Variants in BTBD9 observed in about 807,000 individuals in gnomAD.
BTBD9 encodes the protein BTB domain containing 9, also known as BTB/POZ domain-containing protein 9.
A neutral mutation model predicts 64.3 loss-of-function variants in BTBD9; 49 were observed. The observed-to-expected ratio is 0.76, with a 90% CI of 0.61 to 0.97. The LOEUF is 0.97. Among genes scored for constraint, BTBD9 ranks in the 50% least tolerant of loss-of-function variants. The pLI is 0.00. For missense variants in BTBD9, 598 were observed against 762.1 expected, an observed-to-expected ratio of 0.78 and a Z score of 2.53; for synonymous variants, 260 against 274.7, an observed-to-expected ratio of 0.95 and a Z score of 0.53.
intron 10 of BTBD9, among the ~76,000 whole-genome samples, chr6:38,190,641 T>C (rs1277508954): frequency 6.6e-6 from 1 of 152,170 alleles, no homozygotes; most frequent in African/African-American, 2.4e-5. Context: ...TTAAAATGGC[T>C]GGTCCAATCT....
At chr6:38,505,810 C>T (rs1772459828) in intron 6 of BTBD9, among the ~76,000 whole-genome samples, 1 of 149,146 alleles carries the variant, frequency 6.7e-6, no homozygotes, top group South Asian at 2.1e-4. Context: ...ACCAAAAATA[C>T]AAAAATTAGC....
intron 6 of BTBD9, among the ~76,000 whole-genome samples, chr6:38,452,652 A>G (rs566374972): frequency 6.6e-6 from 1 of 152,218 alleles, no homozygotes; most frequent in African/African-American, 2.4e-5. Flanking sequence ...TATGAAGAGT[A>G]GAAAGGAATC....
At chr6:38,328,506 TCTTGGA>T (rs1269758955) in intron 7 of BTBD9, among the ~76,000 whole-genome samples, 2 of 151,858 alleles carry the variant, frequency 1.3e-5, no homozygotes, top group African/African-American at 4.8e-5. Context: ...TTGATCTTGA[TCTTGGA>T]CTTTCAGCCT....
chr6:38,256,519 G>T lies in BTBD9; in HGVS notation c.1455-3C>A. On this transcript the variant is annotated splice_region_variant and splice_polypyrimidine_tract_variant and intron_variant, in intron 8 of 10. Transcript: ENST00000481247. ...CATCACAATCCCAAAGTAGTAACCT[G>T]AACAAAGGGAAAAACATAAGATTGC... 6.3e-7 allele frequency: 1 copy of T among 1,595,782 alleles called. No homozygotes were observed. Among genetic ancestry groups the T allele is most frequent in the South Asian group, 1.1e-5 (1 of 90,204 alleles).
At chr6:38,482,703 C>G (rs969472303) in intron 6 of BTBD9, among the ~76,000 whole-genome samples, 3 of 152,002 alleles carry the variant, frequency 2.0e-5, no homozygotes, top group Non-Finnish European at 4.4e-5. Context: ...GTGGGGGAGA[C>G]AGACATGTAA....
chr6:38,232,992 A>C (rs1164569635), intron 9 of BTBD9, among the ~76,000 whole-genome samples: 1 of 152,184 alleles, frequency 6.6e-6, no homozygotes, highest in Non-Finnish European at 1.5e-5. Flanking sequence ...TTTTAATTCA[A>C]ATTTTAGGCA....
At chr6:38,402,731 T>C in intron 6 of BTBD9, 2 of 689,954 alleles carry the variant, frequency 2.9e-6, no homozygotes, top group Non-Finnish European at 5.3e-6. Context: ...AATAGAGGTG[T>C]ATGTTATCAT....
intron 6 of BTBD9, among the ~76,000 whole-genome samples, chr6:38,475,584 G>T (rs187356892): frequency 6.6e-6 from 1 of 152,100 alleles, no homozygotes; most frequent in Non-Finnish European, 1.5e-5. Context: ...CTGTTTTCTG[G>T]TTTTTTGTCC....
chr6:38,406,759 C>T (rs1767182337), intron 6 of BTBD9, among the ~76,000 whole-genome samples: 1 of 152,200 alleles, frequency 6.6e-6, no homozygotes, highest in Non-Finnish European at 1.5e-5. Context: ...GGGGATCACA[C>T]TTTGCTGCCC....
At chr6:38,419,795 G>C (rs1031802941) in intron 6 of BTBD9, among the ~76,000 whole-genome samples, 3 of 152,068 alleles carry the variant, frequency 2.0e-5, no homozygotes, top group African/African-American at 4.8e-5. Context: ...GCTTGAACTC[G>C]GGAGATAGAG....
chr6:38,195,293 T>A (rs561252307), intron 9 of BTBD9, among the ~76,000 whole-genome samples: 2 of 152,294 alleles, frequency 1.3e-5, no homozygotes, highest in East Asian at 3.9e-4. Context: ...ATGCAAAACC[T>A]TGACTGCCAT....
intron 6 of BTBD9, among the ~76,000 whole-genome samples, chr6:38,514,051 G>A (rs1772900047): frequency 6.6e-6 from 1 of 152,222 alleles, no homozygotes; most frequent in Non-Finnish European, 1.5e-5. Context: ...AGAGGGAAAG[G>A]ATTAAACATG....
chr6:38,543,835 T>C (rs1354537420), intron 6 of BTBD9, among the ~76,000 whole-genome samples: 1 of 151,820 alleles, frequency 6.6e-6, no homozygotes, highest in Non-Finnish European at 1.5e-5. Context: ...CGGGCGCCTG[T>C]AGTCCCAGCT....
In BTBD9 at chr6:38,170,800, A is replaced by C. The variant is rs1000613090; in HGVS notation, c.*4185T>G. On this transcript the variant is annotated 3_prime_UTR_variant, in exon 11 of 11. Transcript: ENST00000481247. ...GGCTGTTGTCAGGAAAAATATGCAG[A>C]ATCAATGGCTGCAGCTGCCAAAACA... is the stretch of plus-strand genomic sequence containing the variant. 6.6e-6 allele frequency: 1 copy of C among 152,270 alleles called. No individual in the cohort carries two copies. The highest frequency in any genetic ancestry group is 6.5e-5 in the Admixed American group (1 of 15,292). The allele number at this position is 152,270 out of a possible 1,614,324, so 9.4% of individuals were successfully genotyped here.
chr6:38,177,061 G>GT (rs1203289477), intron 10 of BTBD9, among the ~76,000 whole-genome samples: 1 of 152,290 alleles, frequency 6.6e-6, no homozygotes, highest in East Asian at 1.9e-4. Context: ...GACAGGCTGT[G>GT]TTTTACTGCT....
intron 4 of BTBD9, among the ~76,000 whole-genome samples, chr6:38,586,598 C>A (rs1328952803): frequency 1.3e-5 from 2 of 152,146 alleles, no homozygotes; most frequent in Non-Finnish European, 2.9e-5. Flanking sequence ...GAATCTACAT[C>A]CAGATTCTGA....
intron 10 of BTBD9, among the ~76,000 whole-genome samples, chr6:38,177,394 C>T (rs912617463): frequency 3.8e-4 from 58 of 152,220 alleles, no homozygotes; most frequent in Non-Finnish European, 2.8e-4. Flanking sequence ...TGGCCCACCC[C>T]GCTGCCTGCC....
At chr6:38,298,939 T>C (rs1005207233) in intron 7 of BTBD9, among the ~76,000 whole-genome samples, 3 of 152,016 alleles carry the variant, frequency 2.0e-5, no homozygotes, top group African/African-American at 2.4e-5. Flanking sequence ...ATGTGCCATG[T>C]TGGTGTGCTG....
intron 6 of BTBD9, among the ~76,000 whole-genome samples, chr6:38,393,910 CTAT>C (rs1336872194): frequency 6.6e-6 from 1 of 152,070 alleles, no homozygotes; most frequent in Non-Finnish European, 1.5e-5. Context: ...TAATAGGGGC[CTAT>C]TATCTGTTTG....
Sources: gnomAD v4.1 joint callset for allele counts (sites outside exome capture counted in the v4.1 genomes callset) on GRCh38, gnomAD v4.1.1 for gene constraint, MANE v1.5 for transcripts, NCBI Gene and HGNC (gene_info 2026-07-23, HGNC 2026-07-21) for gene names.